The following ZFP64 variants were observed in gnomAD, a reference collection of about 807,000 sequenced individuals.
ZFP64 encodes the protein zinc finger protein 64.
ZFP64 carries 14 observed loss-of-function variants against 51.6 expected under a neutral mutation model. That is an observed-to-expected ratio of 0.27 (90% CI 0.18 to 0.42). The LOEUF (loss-of-function observed/expected upper bound fraction) is 0.42, where lower values mean the gene tolerates loss of function less well. Ranked by LOEUF, ZFP64 falls within the 10% of genes least tolerant of loss-of-function variation. ZFP64 has a pLI of 1.00. For missense variants in ZFP64, 754 were observed against 906.8 expected (o/e 0.83, Z 2.16); for synonymous variants, 375 against 361.4 (o/e 1.04, Z -0.43).
At chr20:52,155,544 A>G (rs1400059052) in intron 5 of ZFP64, among the ~76,000 whole-genome samples, 2 of 152,194 alleles carry the variant, frequency 1.3e-5, no homozygotes, top group Non-Finnish European at 2.9e-5. Flanking sequence ...CAATCTGCAG[A>G]GGTGAGACCC....
chr20:52,145,535 G>A (rs1480258530), intron 5 of ZFP64, among the ~76,000 whole-genome samples: 1 of 152,148 alleles, frequency 6.6e-6, no homozygotes. Context: ...CTACTTGGGA[G>A]GCTGAGGTGG....
intron 5 of ZFP64, among the ~76,000 whole-genome samples, chr20:52,118,850 G>A (rs1419371139): frequency 6.6e-6 from 1 of 150,838 alleles, no homozygotes; most frequent in Non-Finnish European, 1.5e-5. Context: ...GGCAGGTAAA[G>A]AAGTGAAGTA....
At chr20:52,138,083 TG>T (rs1980070857) in intron 5 of ZFP64, among the ~76,000 whole-genome samples, 1 of 151,876 alleles carries the variant, frequency 6.6e-6, no homozygotes, top group South Asian at 2.1e-4. Context: ...GGCACACATC[TG>T]GAGTCCCAAC....
At chr20:52,151,271 C>T (rs1891288529), downstream of ZFP64, 2 of 985,076 alleles carry the variant, frequency 2.0e-6, no homozygotes, top group African/African-American at 3.5e-5. Context: ...GAATCATTAA[C>T]ATTCAGTATA....
Position 52,191,759 on chromosome 20 carries a change from C to G in ZFP64, c.-123G>C. The G allele has an allele frequency of 8.1e-7, 1 of 1,229,724 alleles. No homozygotes were observed. Among genetic ancestry groups the G allele is most frequent in the Non-Finnish European group, 1.1e-6 (1 of 930,752 alleles). 76.2% of individuals were successfully genotyped at this position (1,229,724 alleles called of 1,614,324 possible). A position where few individuals can be genotyped will look rare whatever the true frequency, so the allele number is the denominator to read the frequency against. ...CCCACCCTGCCTTCTCCCAACTCTG[C>G]GAGGCGGGGAGGACGGATGTAAAGC... On this transcript the variant is annotated 5_prime_UTR_variant, in exon 1 of 6. Transcript: ENST00000216923. This position sits in a 1 kb window ranked among gnomAD's most constrained non-coding sequence, Gnocchi z 4.3.
At chr20:52,138,163 C>T (rs947663573) in intron 5 of ZFP64, among the ~76,000 whole-genome samples, 1 of 152,058 alleles carries the variant, frequency 6.6e-6, no homozygotes, top group Admixed American at 6.6e-5. Context: ...GCCAAGATCA[C>T]TCCACTGCAC....
chr20:52,095,331 G>C (rs1210596700), intron 7 of ZFP64, among the ~76,000 whole-genome samples: 1 of 152,220 alleles, frequency 6.6e-6, no homozygotes, highest in Non-Finnish European at 1.5e-5. Context: ...TTGTGGAGCA[G>C]GCTAATGAGA....
chr20:52,157,174 A>T (rs1981386577), intron 5 of ZFP64, among the ~76,000 whole-genome samples: 2 of 152,234 alleles, frequency 1.3e-5, no homozygotes, highest in African/African-American at 4.8e-5. Flanking sequence ...GAGAATTAAG[A>T]ATGGTGAGAA....
intron 5 of ZFP64, among the ~76,000 whole-genome samples, chr20:52,145,679 G>C (rs531850305): frequency 1.3e-5 from 2 of 151,994 alleles, no homozygotes; most frequent in Non-Finnish European, 2.9e-5. Flanking sequence ...GTAAAAGTAT[G>C]GTATAAAAGA....
At chr20:52,164,913 A>G (rs551144283) in intron 3 of ZFP64, 156 bp from the exon 4 acceptor site, 40 of 712,170 alleles carry the variant, frequency 5.6e-5, no homozygotes, top group African/African-American at 5.4e-4. Flanking sequence ...ATGACCGGGA[A>G]AAACACACCG....
intron 4 of ZFP64, among the ~76,000 whole-genome samples, chr20:52,161,886 T>A (rs1981839568): frequency 6.6e-6 from 1 of 152,208 alleles, no homozygotes; most frequent in African/African-American, 2.4e-5. Flanking sequence ...TTACTTTATA[T>A]ATCAAATATG....
intron 5 of ZFP64, among the ~76,000 whole-genome samples, chr20:52,117,382 G>A (rs1206410641): frequency 6.6e-6 from 1 of 152,104 alleles, no homozygotes; most frequent in Non-Finnish European, 1.5e-5. Flanking sequence ...ACTTTGGGAG[G>A]CCAAGGCGGG....
chr20:52,098,603 A>G, intron 5 of ZFP64: 1 of 1,613,964 alleles, frequency 6.2e-7, no homozygotes, highest in South Asian at 1.1e-5. Flanking sequence ...ATTGAGGCAT[A>G]GTTTTGCTTA....
intron 5 of ZFP64, among the ~76,000 whole-genome samples, chr20:52,124,469 TAGAC>T (rs771397032): frequency 5.3e-5 from 8 of 152,306 alleles, no homozygotes; most frequent in South Asian, 4.1e-4. Flanking sequence ...TTTACTGTAA[TAGAC>T]AGACATATGA....
chr20:52,111,305 C>A, intron 5 of ZFP64, among the ~76,000 whole-genome samples: 1 of 150,806 alleles, frequency 6.6e-6, no homozygotes, highest in Non-Finnish European at 1.5e-5. Context: ...CAACCTCCAG[C>A]TCCCGGGTTC....
intron 1 of ZFP64, among the ~76,000 whole-genome samples, chr20:52,190,679 A>G (rs1984305543): frequency 6.6e-6 from 1 of 152,074 alleles, no homozygotes; most frequent in Non-Finnish European, 1.5e-5. Flanking sequence ...GGTGTTTAGG[A>G]AAATCTGTGC....
At position 52,110,594 on chromosome 20, in the gene ZFP64, A is replaced by G; in HGVS notation, c.764-12007T>C. The stretch of plus-strand genomic sequence containing the variant: ...TCCTGCCGCTGCTTCCAGAGGGCCT[A>G]GCGGGCCTCCACGCCAGAGGCCCTG... On this transcript the variant is annotated intron_variant, in intron 5 of 8. Coordinates refer to the ZFP64 transcript ENST00000361387. 4.0e-6 allele frequency: 3 copies of G among 741,802 alleles called. No homozygotes were observed. The South Asian group carries it at 5.0e-5, about 12-fold the overall frequency. The allele number at this position is 741,802 out of a possible 1,614,324, so 46.0% of individuals were successfully genotyped here.
intron 5 of ZFP64, among the ~76,000 whole-genome samples, chr20:52,123,600 T>C (rs1023495766): frequency 3.3e-5 from 5 of 152,186 alleles, no homozygotes; most frequent in African/African-American, 9.6e-5. Context: ...AATTAAGGCA[T>C]GTACACTGTT....
intron 5 of ZFP64, among the ~76,000 whole-genome samples, chr20:52,117,962 A>ATT (rs918196172): frequency 6.8e-6 from 1 of 147,482 alleles, no homozygotes; most frequent in African/African-American, 2.5e-5. Flanking sequence ...CACCCAGCAT[A>ATT]TTTTTTTTTT....
Sources: allele counts gnomAD v4.1 joint callset (sites outside exome capture counted in the v4.1 genomes callset), GRCh38; gene constraint gnomAD v4.1.1; non-coding constraint Gnocchi (gnomAD v3.1); transcripts MANE v1.5; gene names NCBI Gene and HGNC (gene_info 2026-07-23, HGNC 2026-07-21).